Variants in DGKB observed in about 807,000 individuals in gnomAD.
DGKB encodes 90 kDa diacylglycerol kinase.
DGKB carries 67 observed loss-of-function variants against 114.3 expected under a neutral mutation model. That is an observed-to-expected ratio of 0.59 (90% confidence interval 0.48 to 0.72). DGKB has a LOEUF of 0.72. DGKB is among the 30% of genes least tolerant of loss of function. The probability of loss-of-function intolerance (pLI) is 0.00; values close to 1 mark genes in which losing one functional copy is unlikely to be tolerated. For synonymous variants in DGKB, 398 were observed against 323.1 expected (o/e 1.23, Z -2.49); for missense variants, 907 against 975.2 (o/e 0.93, Z 0.93).
intron 13 of DGKB, among the ~76,000 whole-genome samples, chr7:14,656,811 T>C (rs1815918679): frequency 6.6e-6 from 1 of 151,288 alleles, no homozygotes. Context: ...TATCCCTGTT[T>C]AAAAAATCCC....
At chr7:14,319,190 T>G in intron 23 of DGKB, among the ~76,000 whole-genome samples, 1 of 151,072 alleles carries the variant, frequency 6.6e-6, no homozygotes, top group African/African-American at 2.4e-5. Flanking sequence ...TAATGCTAGA[T>G]GACGAGTTAG....
chr7:14,295,247 T>C (rs1271530760), intron 23 of DGKB, among the ~76,000 whole-genome samples: 3 of 152,326 alleles, frequency 2.0e-5, no homozygotes, highest in East Asian at 1.9e-4. Flanking sequence ...TTTGGTAACA[T>C]GTTTGCTTTT....
At chr7:14,248,145 A>G (rs1369202950) in intron 23 of DGKB, among the ~76,000 whole-genome samples, 1 of 152,110 alleles carries the variant, frequency 6.6e-6, no homozygotes, top group Non-Finnish European at 1.5e-5. Context: ...CCTATGTGAA[A>G]GATCAATTGA....
At chr7:14,473,749 G>C (rs375587367) in intron 21 of DGKB, among the ~76,000 whole-genome samples, 120 of 152,342 alleles carry the variant, frequency 7.9e-4, no homozygotes, top group African/African-American at 2.7e-3. Context: ...GCTTGACCTG[G>C]ATGTGAGACA....
At chr7:14,775,230 A>T in intron 2 of DGKB, among the ~76,000 whole-genome samples, 1 of 151,802 alleles carries the variant, frequency 6.6e-6, no homozygotes, top group East Asian at 1.9e-4. Context: ...ATATATATTC[A>T]TACTATCAAC....
At chr7:14,957,910 C>T (rs1258968339) in intron 1 of DGKB, among the ~76,000 whole-genome samples, 1 of 151,930 alleles carries the variant, frequency 6.6e-6, no homozygotes, top group African/African-American at 2.4e-5. Context: ...TCTCGTAGCA[C>T]TATAAAATCA....
At chr7:14,231,129 T>TTC (rs1469879444) in intron 23 of DGKB, among the ~76,000 whole-genome samples, 11 of 140,328 alleles carry the variant, frequency 7.8e-5, no homozygotes, top group African/African-American at 2.6e-4. Context: ...CTTTCTTTCT[T>TTC]TCTTTCTTTC....
At chr7:14,740,273 G>A (rs992525195) in intron 4 of DGKB, among the ~76,000 whole-genome samples, 6 of 148,888 alleles carry the variant, frequency 4.0e-5, no homozygotes. Flanking sequence ...GTCAGGAGTT[G>A]ATGGATTGGT....
intron 13 of DGKB, among the ~76,000 whole-genome samples, chr7:14,662,478 C>G (rs1326651068): frequency 6.6e-6 from 1 of 151,856 alleles, no homozygotes; most frequent in Non-Finnish European, 1.5e-5. Context: ...GGAAAATGAT[C>G]CTTTGCACTT....
intron 17 of DGKB, among the ~76,000 whole-genome samples, chr7:14,606,548 G>T (rs2128778038): frequency 6.6e-6 from 1 of 151,792 alleles, no homozygotes; most frequent in African/African-American, 2.4e-5. Context: ...CTTGGTTTCT[G>T]GTTCCTGAGA....
chr7:14,396,505 AT>A (rs1822241175), intron 21 of DGKB, among the ~76,000 whole-genome samples: 1 of 152,132 alleles, frequency 6.6e-6, no homozygotes, highest in Non-Finnish European at 1.5e-5. Context: ...TGCAAAGATG[AT>A]ACTCAAGTTC....
At chr7:14,246,106 T>C (rs1794433740) in intron 23 of DGKB, among the ~76,000 whole-genome samples, 2 of 152,212 alleles carry the variant, frequency 1.3e-5, no homozygotes, top group African/African-American at 4.8e-5. Context: ...GACATTTCTG[T>C]ACTGGTTTGT....
At chr7:14,458,570 G>A (rs543506320) in intron 21 of DGKB, among the ~76,000 whole-genome samples, 74 of 152,196 alleles carry the variant, frequency 4.9e-4, no homozygotes, top group Non-Finnish European at 8.4e-4. Context: ...AGGGTAGGGC[G>A]TTGCCTCACC....
chr7:14,363,340 C>T (rs1015013319), intron 21 of DGKB, among the ~76,000 whole-genome samples: 2 of 152,076 alleles, frequency 1.3e-5, no homozygotes, highest in Non-Finnish European at 2.9e-5. Context: ...TAGTCTCTAT[C>T]ATATTGTATA....
At chr7:14,929,646 A>G (rs1473809926) in intron 1 of DGKB, among the ~76,000 whole-genome samples, 1 of 152,018 alleles carries the variant, frequency 6.6e-6, no homozygotes, top group Non-Finnish European at 1.5e-5. Context: ...TGCAGTTAGC[A>G]CATATTTTCC....
intron 23 of DGKB, among the ~76,000 whole-genome samples, chr7:14,273,987 T>A (rs1239027253): frequency 6.6e-6 from 1 of 152,202 alleles, no homozygotes; most frequent in Non-Finnish European, 1.5e-5. Context: ...AGAAACATAT[T>A]TGTATTTCAT....
At chr7:14,479,401 T>A (rs115681050) in intron 20 of DGKB, among the ~76,000 whole-genome samples, 89 of 152,244 alleles carry the variant, frequency 5.8e-4, no homozygotes, top group African/African-American at 1.8e-3. Flanking sequence ...ATTTTTTTTC[T>A]GTATAAACAT....
chr7:14,186,887 G>A (rs913211609), intron 23 of DGKB, among the ~76,000 whole-genome samples: 10 of 152,084 alleles, frequency 6.6e-5, no homozygotes, highest in Admixed American at 5.9e-4. Flanking sequence ...GGAGAGGGGC[G>A]AGGGATAAAA....
intron 6 of DGKB, among the ~76,000 whole-genome samples, chr7:14,704,483 G>T (rs1179018133): frequency 6.6e-6 from 1 of 151,562 alleles, no homozygotes; most frequent in African/African-American, 2.4e-5. Context: ...AAAAAAAGGG[G>T]GAGGAGCCAA....
Sources: gnomAD v4.1 joint callset for allele counts (sites outside exome capture counted in the v4.1 genomes callset) on GRCh38, gnomAD v4.1.1 for gene constraint, MANE v1.5 for transcripts, NCBI Gene and HGNC (gene_info 2026-07-23, HGNC 2026-07-21) for gene names.